The following TMX4 variants were observed in gnomAD, a reference collection of about 807,000 sequenced individuals.
TMX4 encodes thioredoxin related transmembrane protein 4, also known as thioredoxin-related transmembrane protein 4.
Under a neutral mutation model 33.3 loss-of-function variants are expected in TMX4, and 23 were observed. The observed-to-expected ratio is 0.69, with a 90% confidence interval of 0.50 to 0.98. TMX4 has a LOEUF of 0.98. Ranked by LOEUF, TMX4 falls within the 50% of genes least tolerant of loss-of-function variation. The pLI, the probability that TMX4 is intolerant of heterozygous loss-of-function variation, is 0.00. For synonymous variants in TMX4, 164 were observed against 161.5 expected (o/e 1.02, Z -0.12); for missense variants, 399 against 448.9 (o/e 0.89, Z 1.01).
At chr20:8,010,463 C>T (rs2050748379) in intron 1 of TMX4, 148 bp from the exon 2 acceptor site, 3 of 476,808 alleles carry the variant, frequency 6.3e-6, no homozygotes, top group Non-Finnish European at 1.0e-5. Flanking sequence ...CATAGAAAAA[C>T]AGAAGCACAT....
rs562144169 is a variant in TMX4 at position 7,979,361 on chromosome 20, ATATT to A, written c.*2886_*2889del. On this transcript the variant is annotated 3_prime_UTR_variant, in exon 8 of 8. Transcript: ENST00000246024. ...AAATCAGGAAAAATGGTTCCCACAG[ATATT>A]TAAAGTTTTAATGGGTCCTCTTCTC... The A allele has an allele frequency of 9.2e-5, 14 of 152,312 alleles. No homozygotes were observed. Among genetic ancestry groups the A allele is most frequent in the African/African-American group, 3.1e-4 (13 of 41,564 alleles). The allele number at this position is 152,312 out of a possible 1,614,324, so 9.4% of individuals were successfully genotyped here.
At chr20:7,983,703 C>A in intron 7 of TMX4, 91 bp downstream of exon 7, 1 of 957,846 alleles carries the variant, frequency 1.0e-6, no homozygotes, top group South Asian at 2.2e-5. Flanking sequence ...CCTAGTAAAT[C>A]ACAGAGAAAA....
chr20:8,014,552 A>G (rs904602226), intron 1 of TMX4, among the ~76,000 whole-genome samples: 1 of 152,224 alleles, frequency 6.6e-6, no homozygotes, highest in Admixed American at 6.5e-5. Context: ...AAAAGCTTAT[A>G]ATAGAGGTAG....
intron 4 of TMX4, among the ~76,000 whole-genome samples, chr20:7,998,830 C>T (rs2050688770): frequency 6.6e-6 from 1 of 152,156 alleles, no homozygotes; most frequent in African/African-American, 2.4e-5. Context: ...CTCCCTCCAT[C>T]TAGAAGAGCA....
At chr20:8,014,523 T>C (rs1264581338) in intron 1 of TMX4, among the ~76,000 whole-genome samples, 5 of 152,134 alleles carry the variant, frequency 3.3e-5, no homozygotes, top group Non-Finnish European at 5.9e-5. Flanking sequence ...AGGAAAAAAA[T>C]AACCTTGTTC....
chr20:7,989,549 CA>C (rs1387485812), intron 5 of TMX4, among the ~76,000 whole-genome samples: 1 of 152,172 alleles, frequency 6.6e-6, no homozygotes, highest in East Asian at 1.9e-4. Flanking sequence ...TTTCTTGTAT[CA>C]ATTTCCTCTT....
intron 1 of TMX4, chr20:8,013,778 CA>C (rs1398221133): frequency 3.3e-5 from 5 of 152,144 alleles, no homozygotes; most frequent in Admixed American, 3.3e-4. Flanking sequence ...CAATAATGAA[CA>C]ACTCTTCTTC....
chr20:7,995,993 G>T (rs925765840), intron 5 of TMX4, 33 bp downstream of exon 5: 1 of 1,537,802 alleles, frequency 6.5e-7, no homozygotes, highest in Non-Finnish European at 8.9e-7. Flanking sequence ...TAACCTCTCT[G>T]CAAATATAAA....
chr20:7,999,026 A>C (rs951721673), intron 4 of TMX4, among the ~76,000 whole-genome samples: 1 of 152,198 alleles, frequency 6.6e-6, no homozygotes, highest in African/African-American at 2.4e-5. Flanking sequence ...GAAATGTGAG[A>C]GTTGTTTTTA....
chr20:7,992,014 C>A (rs1600141876), intron 5 of TMX4, among the ~76,000 whole-genome samples: 1 of 152,234 alleles, frequency 6.6e-6, no homozygotes, highest in South Asian at 2.1e-4. Context: ...AACTTCTAAT[C>A]CTAACTATGC....
At chr20:8,001,258 G>C (rs1269969491) in intron 3 of TMX4, among the ~76,000 whole-genome samples, 1 of 152,092 alleles carries the variant, frequency 6.6e-6, no homozygotes, top group Non-Finnish European at 1.5e-5. Context: ...CCCCACCTCT[G>C]ATATCACCAG....
chr20:8,019,672 G>A lies in TMX4; in HGVS notation c.-59C>T. ...TGTGGGGAAGGGCAGCGGCCGGCCC[G>A]CAGCCTCGCTCGCCCGCCGGGTTTT... On this transcript the variant is annotated 5_prime_UTR_variant, in exon 1 of 8. Transcript: ENST00000246024. 1.6e-6 allele frequency: 2 copies of A among 1,258,004 alleles called. No homozygotes were observed. Among genetic ancestry groups the A allele is most frequent in the Non-Finnish European group, 1.0e-6 (1 of 995,032 alleles). 77.9% of individuals were successfully genotyped at this position (1,258,004 alleles called of 1,614,324 possible).
At chr20:7,995,341 C>T (rs1018074390) in intron 5 of TMX4, among the ~76,000 whole-genome samples, 3 of 152,094 alleles carry the variant, frequency 2.0e-5, no homozygotes, top group African/African-American at 2.4e-5. Context: ...TCCTCCCCTA[C>T]AGAGAAGGGA....
intron 5 of TMX4, among the ~76,000 whole-genome samples, chr20:7,995,575 A>T (rs2050672742): frequency 6.6e-6 from 1 of 152,154 alleles, no homozygotes; most frequent in Admixed American, 6.6e-5. Context: ...AAGCAGTCAT[A>T]GACAATAGGT....
chr20:8,012,016 A>G (rs1373792624), intron 1 of TMX4, among the ~76,000 whole-genome samples: 2 of 152,148 alleles, frequency 1.3e-5, no homozygotes, highest in Non-Finnish European at 2.9e-5. Context: ...TGAAAATCAT[A>G]TTCTTCATCT....
At chr20:8,012,463 T>C (rs2050756825) in intron 1 of TMX4, among the ~76,000 whole-genome samples, 1 of 152,150 alleles carries the variant, frequency 6.6e-6, no homozygotes. Flanking sequence ...GGTATAGAGA[T>C]GTGCTTAAGA....
At chr20:8,007,143 T>C (rs1225161578) in intron 2 of TMX4, among the ~76,000 whole-genome samples, 2 of 152,214 alleles carry the variant, frequency 1.3e-5, no homozygotes, top group African/African-American at 4.8e-5. Flanking sequence ...ATAATCTGAA[T>C]TTTTCTTCTA....
chr20:7,996,101 G>T (rs768933916), intron 4 of TMX4, 30 bp from the exon 5 acceptor site: 1 of 1,578,258 alleles, frequency 6.3e-7, no homozygotes, highest in Non-Finnish European at 8.7e-7. Flanking sequence ...AAGAAACAGT[G>T]ATCATATATA....
chr20:8,000,680 C>T (rs554172965), intron 3 of TMX4, among the ~76,000 whole-genome samples: 6 of 152,254 alleles, frequency 3.9e-5, no homozygotes, highest in African/African-American at 1.4e-4. Context: ...CCCTTCCCCA[C>T]CATACATGTT....
Sources: allele counts gnomAD v4.1 joint callset (sites outside exome capture counted in the v4.1 genomes callset), GRCh38; gene constraint gnomAD v4.1.1; transcripts MANE v1.5; gene names NCBI Gene and HGNC (gene_info 2026-07-23, HGNC 2026-07-21).